Variants in FANCC observed in about 807,000 individuals in gnomAD.
FANCC encodes Fanconi anemia group C protein.
A neutral mutation model predicts 71.3 loss-of-function variants in FANCC; 55 were observed. The ratio of observed to expected loss-of-function variants is 0.77; its 90% CI spans 0.62 to 0.97. FANCC has a LOEUF of 0.97. FANCC is among the 50% of genes least tolerant of loss of function. The pLI is 0.00. For missense variants in FANCC, 678 were observed against 670.9 expected (o/e 1.01, Z -0.12); for synonymous variants, 275 against 244.9 (o/e 1.12, Z -1.15).
intron 1 of FANCC, among the ~76,000 whole-genome samples, chr9:95,259,094 T>A (rs1831854290): frequency 6.6e-6 from 1 of 152,068 alleles, no homozygotes; most frequent in Non-Finnish European, 1.5e-5. Context: ...AGAATAGATA[T>A]CATGAAAATG....
chr9:95,317,003 C>T (rs1249087184), intron 1 of FANCC: 2 of 152,288 alleles, frequency 1.3e-5, no homozygotes, highest in Non-Finnish European at 2.9e-5. Context: ...CTCCTGGCGC[C>T]CCGGCGAATG....
intron 7 of FANCC, among the ~76,000 whole-genome samples, chr9:95,143,455 T>C (rs1829068178): frequency 6.6e-6 from 1 of 151,974 alleles, no homozygotes; most frequent in South Asian, 2.1e-4. Context: ...CCACCAGGAG[T>C]CACTTCATTA....
intron 4 of FANCC, among the ~76,000 whole-genome samples, chr9:95,204,503 T>A (rs1444422201): frequency 6.6e-6 from 1 of 152,194 alleles, no homozygotes; most frequent in Non-Finnish European, 1.5e-5. Context: ...AAACACAATT[T>A]TTGTGTGTAG....
chr9:95,257,970 C>A (rs1453319435), intron 1 of FANCC, among the ~76,000 whole-genome samples: 3 of 152,068 alleles, frequency 2.0e-5, no homozygotes, highest in African/African-American at 7.2e-5. Flanking sequence ...CCCTCTTACA[C>A]CCTCTCAAGA....
At chr9:95,102,113 CAT>C (rs1331243254) in intron 14 of FANCC, among the ~76,000 whole-genome samples, 3 of 152,300 alleles carry the variant, frequency 2.0e-5, no homozygotes, top group Non-Finnish European at 4.4e-5. Flanking sequence ...GCCTTAGACT[CAT>C]AAAGGCCACA....
chr9:95,233,954 A>C (rs966712733), intron 4 of FANCC, among the ~76,000 whole-genome samples: 4 of 152,210 alleles, frequency 2.6e-5, no homozygotes, highest in Admixed American at 2.0e-4. Flanking sequence ...GGCTGGCAGG[A>C]GCCCTCCGGT....
At chr9:95,247,608 T>A (rs1248987253) in intron 2 of FANCC, 92 bp from the exon 3 acceptor site, 1 of 817,384 alleles carries the variant, frequency 1.2e-6, no homozygotes, top group East Asian at 2.4e-5. Context: ...CGTGAATGCT[T>A]CTTGTTTAGT....
intron 1 of FANCC, among the ~76,000 whole-genome samples, chr9:95,271,861 C>G (rs1385908494): frequency 1.3e-5 from 2 of 150,938 alleles, no homozygotes; most frequent in South Asian, 4.2e-4. Flanking sequence ...AGTTTATCAC[C>G]TGACTCACCA....
chr9:95,217,214 G>A (rs1007648369), intron 4 of FANCC, among the ~76,000 whole-genome samples: 9 of 152,156 alleles, frequency 5.9e-5, no homozygotes, highest in African/African-American at 1.7e-4. Flanking sequence ...GGCCGGGCCT[G>A]GGGGCTCACA....
chr9:95,222,815 CATAT>C (rs1357217308), intron 4 of FANCC, among the ~76,000 whole-genome samples: 3 of 152,090 alleles, frequency 2.0e-5, no homozygotes, highest in African/African-American at 7.2e-5. Context: ...CAGTCTGATG[CATAT>C]ATATTTCATA....
intron 12 of FANCC, 100 bp from the exon 13 acceptor site, chr9:95,111,737 G>C (rs966594997): frequency 1.4e-6 from 2 of 1,427,524 alleles, no homozygotes; most frequent in Non-Finnish European, 2.0e-6. Flanking sequence ...GGCTTAAATT[G>C]TACTTATCCA....
rs116936162 is a variant in FANCC at position 95,293,882 on chromosome 9, C to T, written c.-79+23644G>A. On this transcript the variant is annotated intron_variant, in intron 1 of 14. Transcript: ENST00000289081. Reference sequence around the variant, plus strand: ...TACAGATGGACCAAGCTGGAATGTGCAGAGACATTTTTGAGTGTTCATTCA... The same window carrying T: ...TACAGATGGACCAAGCTGGAATGTGTAGAGACATTTTTGAGTGTTCATTCA... The T allele has an allele frequency of 3.7e-6, 6 of 1,605,528 alleles. No homozygotes were observed. In the East Asian group the frequency reaches 1.3e-4, roughly 36 times the overall value.
intron 1 of FANCC, among the ~76,000 whole-genome samples, chr9:95,257,279 T>A (rs202060519): frequency 2.0e-5 from 3 of 152,320 alleles, no homozygotes; most frequent in East Asian, 3.9e-4. Flanking sequence ...GACCACATAA[T>A]TGGAAGTAAA....
At chr9:95,228,856 T>A (rs369615790) in intron 4 of FANCC, among the ~76,000 whole-genome samples, 26 of 152,098 alleles carry the variant, frequency 1.7e-4, no homozygotes, top group African/African-American at 6.3e-4. Context: ...AGGAGGCCAC[T>A]GTGGCTGAGA....
intron 7 of FANCC, among the ~76,000 whole-genome samples, chr9:95,136,786 C>T (rs1469919019): frequency 6.6e-6 from 1 of 152,210 alleles, no homozygotes; most frequent in Non-Finnish European, 1.5e-5. Flanking sequence ...ACTCCCCAGA[C>T]ACAACCATTT....
chr9:95,252,866 T>C (rs1456990548), intron 1 of FANCC, among the ~76,000 whole-genome samples: 1 of 148,574 alleles, frequency 6.7e-6, no homozygotes, highest in Non-Finnish European at 1.5e-5. Context: ...CTGGGCAACA[T>C]ACCAAGACCC....
Position 95,117,330 on chromosome 9 carries a change from G to A in FANCC, c.1057C>T (p.Leu353=), listed in dbSNP as rs764280581. The A allele has an allele frequency of 3.1e-6, 5 of 1,613,916 alleles. No homozygotes were observed. Among genetic ancestry groups the A allele is most frequent in the African/African-American group, 1.3e-5 (1 of 74,916 alleles). Residue 353 remains leucine, a synonymous_variant, in exon 11 of 15, where the codon CTG becomes TTG. Coordinates refer to ENST00000289081, the MANE Select transcript of FANCC (RefSeq NM_000136.3). ...CCTAACTCACCTTGAGGGTCTTGCA[G>A]CAGCACCATGGCAAGAGATGGAGAA... is the stretch of plus-strand genomic sequence containing the variant. ...YTSPSLAMVL[L]QDPQDIPRGH...
intron 6 of FANCC, among the ~76,000 whole-genome samples, chr9:95,169,971 AT>A (rs1343703058): frequency 2.6e-5 from 4 of 152,124 alleles, no homozygotes; most frequent in Non-Finnish European, 5.9e-5. Context: ...TATATTTTGC[AT>A]TCTGATCCTT....
intron 8 of FANCC, among the ~76,000 whole-genome samples, chr9:95,132,559 C>G (rs1827067924): frequency 6.6e-6 from 1 of 152,194 alleles, no homozygotes; most frequent in African/African-American, 2.4e-5. Context: ...GCTAATACCT[C>G]ACTTGATGTA....
Sources: gnomAD v4.1 joint callset for allele counts (sites outside exome capture counted in the v4.1 genomes callset) on GRCh38, gnomAD v4.1.1 for gene constraint, MANE v1.5 for transcripts, NCBI Gene and HGNC (gene_info 2026-07-23, HGNC 2026-07-21) for gene names.